NUCB2: variants seen among roughly 807,000 people sequenced by gnomAD.
NUCB2 encodes nucleobindin 2.
Under a neutral mutation model 57.9 loss-of-function variants are expected in NUCB2, and 48 were observed. The ratio of observed to expected loss-of-function variants is 0.83; its 90% CI spans 0.66 to 1.05. NUCB2 has a LOEUF of 1.05. Ranked by LOEUF, NUCB2 falls within the 50% of genes least tolerant of loss-of-function variation. The pLI, the probability that NUCB2 is intolerant of heterozygous loss-of-function variation, is 0.00. For missense variants in NUCB2, 442 were observed against 476.2 expected, an observed-to-expected ratio of 0.93 and a Z score of 0.67; for synonymous variants, 139 against 152.1, an observed-to-expected ratio of 0.91 and a Z score of 0.64.
At chr11:17,277,569 A>G (rs982540187) in intron 1 of NUCB2, among the ~76,000 whole-genome samples, 2 of 152,144 alleles carry the variant, frequency 1.3e-5, no homozygotes, top group African/African-American at 2.4e-5. Context: ...TTTTTGAGAG[A>G]CAGAACCTCT....
chr11:17,343,784 G>A (rs1273494789), intron 2 of NUCB2, among the ~76,000 whole-genome samples: 2 of 152,098 alleles, frequency 1.3e-5, no homozygotes, highest in African/African-American at 4.8e-5. Context: ...TCAACTTTGT[G>A]TAGTGATTCT....
intron 11 of NUCB2, among the ~76,000 whole-genome samples, chr11:17,320,746 T>G (rs1264365717): frequency 6.6e-6 from 1 of 152,162 alleles, no homozygotes. Flanking sequence ...TTAGTTCATT[T>G]TTTTCCTCCC....
At chr11:17,319,280 T>C (rs1243295127) in intron 11 of NUCB2, among the ~76,000 whole-genome samples, 1 of 152,246 alleles carries the variant, frequency 6.6e-6, no homozygotes, top group Non-Finnish European at 1.5e-5. Flanking sequence ...ATACTCAAAT[T>C]GTCCCAGACT....
intron 5 of NUCB2, among the ~76,000 whole-genome samples, chr11:17,303,154 TAA>T (rs1947049445): frequency 6.6e-6 from 1 of 152,186 alleles, no homozygotes; most frequent in Non-Finnish European, 1.5e-5. Flanking sequence ...TGCATAAGAA[TAA>T]GTTTCATAAA....
chr11:17,334,485 G>A (rs1951648575), downstream of NUCB2: 1 of 152,256 alleles, frequency 6.6e-6, no homozygotes, highest in Admixed American at 6.5e-5. Context: ...TCTCAAGTGA[G>A]TGAATCTGAT....
At chr11:17,349,430 T>C (rs1953042115) in exon 3 of NUCB2, 1 of 152,396 alleles carries the variant, frequency 6.6e-6, no homozygotes, top group African/African-American at 2.4e-5. Flanking sequence ...CCCTTTGTCC[T>C]AGTGCATGGT....
chr11:17,307,748 C>A (rs943096630), intron 5 of NUCB2, among the ~76,000 whole-genome samples: 1 of 152,018 alleles, frequency 6.6e-6, no homozygotes, highest in Admixed American at 6.6e-5. Flanking sequence ...CACTGTGTAT[C>A]CCTGTAAGAT....
intron 11 of NUCB2, among the ~76,000 whole-genome samples, chr11:17,319,337 T>G (rs1949707721): frequency 6.6e-6 from 1 of 152,242 alleles, no homozygotes; most frequent in African/African-American, 2.4e-5. Context: ...CCTTCTGACA[T>G]GTCCGAATGA....
intron 2 of NUCB2, among the ~76,000 whole-genome samples, chr11:17,285,357 G>A (rs955883851): frequency 1.3e-5 from 2 of 151,916 alleles, no homozygotes. Context: ...GGCGGATCAC[G>A]AGGTCAAGAG....
intron 2 of NUCB2, among the ~76,000 whole-genome samples, chr11:17,294,531 A>G (rs1945482337): frequency 6.6e-6 from 1 of 151,876 alleles, no homozygotes; most frequent in South Asian, 2.1e-4. Flanking sequence ...TGGCAAGACA[A>G]TGCTCTGTAA....
chr11:17,321,751 T>C lies in NUCB2; in HGVS notation c.1002+6276T>C, dbSNP rs371289036. On this transcript the variant is annotated intron_variant, in intron 11 of 13. Coordinates refer to ENST00000529010, the MANE Select transcript of NUCB2 (RefSeq NM_005013.4). ...GAGGGTTCTTTTTTTTTCACATCCT[T>C]GCCAACATTTGTTATTGCCTGTCTT... 3.9e-5 allele frequency among the ~76,000 whole-genome samples: 6 copies of C among 152,254 alleles called. No individual in the cohort carries two copies. In the East Asian group the frequency reaches 5.8e-4, roughly 15 times the overall value.
chr11:17,306,026 G>T (rs760665127), intron 5 of NUCB2, among the ~76,000 whole-genome samples: 1 of 152,176 alleles, frequency 6.6e-6, no homozygotes, highest in Non-Finnish European at 1.5e-5. Flanking sequence ...AATTGTAAAT[G>T]AATTAAAGAT....
chr11:17,302,953 T>C (rs936133022), intron 5 of NUCB2, among the ~76,000 whole-genome samples: 1 of 152,128 alleles, frequency 6.6e-6, no homozygotes, highest in Non-Finnish European at 1.5e-5. Context: ...TTAGCCAGGA[T>C]GGTCTCAGTC....
chr11:17,301,579 C>G (rs186571358), intron 4 of NUCB2, among the ~76,000 whole-genome samples, 165 bp from the exon 5 acceptor site: 2 of 152,182 alleles, frequency 1.3e-5, no homozygotes, highest in East Asian at 3.9e-4. Flanking sequence ...ACGCCCGGCC[C>G]TAAAGCTAAT....
intron 11 of NUCB2, among the ~76,000 whole-genome samples, chr11:17,327,647 C>G (rs1950862390): frequency 1.3e-5 from 2 of 152,124 alleles, no homozygotes. Context: ...TCTGTATTTT[C>G]AAATAGCCTG....
At chr11:17,348,062 C>T (rs548872670) in intron 2 of NUCB2, among the ~76,000 whole-genome samples, 65 of 152,240 alleles carry the variant, frequency 4.3e-4, no homozygotes, top group African/African-American at 1.6e-3. Flanking sequence ...CACAAAATGA[C>T]AGTTCTTCGT....
intron 11 of NUCB2, among the ~76,000 whole-genome samples, chr11:17,317,883 G>T (rs958489098): frequency 4.0e-5 from 6 of 150,402 alleles, no homozygotes; most frequent in African/African-American, 1.5e-4. Flanking sequence ...TCACTATATT[G>T]CCCAGGCTGG....
chr11:17,340,318 T>A (rs1230420047), intron 2 of NUCB2, among the ~76,000 whole-genome samples: 1 of 152,192 alleles, frequency 6.6e-6, no homozygotes, highest in Non-Finnish European at 1.5e-5. Context: ...ACTCTGATGG[T>A]AGTTTCTTTT....
At position 17,330,979 on chromosome 11, in the gene NUCB2, G is replaced by A; in HGVS notation, c.1251G>A (p.Glu417=). 1.3e-6 allele frequency: 2 copies of A among 1,597,876 alleles called. No homozygotes were observed. Among genetic ancestry groups the A allele is most frequent in the Non-Finnish European group, 1.7e-6 (2 of 1,168,120 alleles). ...GGCCAGCTGGAGAATTGAAGTTTGA[G>A]CCACGTGTGTAATTTTGTTTGATTA... ...PSGPAGELKF[E]PHI Residue 417 remains glutamate, a synonymous_variant, in exon 13 of 14, where the codon GAG becomes GAA. Coordinates refer to ENST00000529010, the MANE Select transcript of NUCB2 (RefSeq NM_005013.4). The surrounding 1 kb of genome is among the most constrained non-coding windows in gnomAD (Gnocchi z 4.3).
Sources: gnomAD v4.1 joint callset for allele counts (sites outside exome capture counted in the v4.1 genomes callset) on GRCh38, gnomAD v4.1.1 for gene constraint, Gnocchi (gnomAD v3.1) non-coding constraint, MANE v1.5 for transcripts, NCBI Gene and HGNC (gene_info 2026-07-23, HGNC 2026-07-21) for gene names.